The following PAK6 variants were observed in gnomAD, a reference collection of about 807,000 sequenced individuals.
PAK6 encodes the protein serine/threonine-protein kinase PAK 6.
In PAK6, 33 loss-of-function variants were observed where a neutral mutation model predicts 60.8. The ratio of observed to expected loss-of-function variants is 0.54; its 90% CI spans 0.41 to 0.73. The LOEUF is 0.73. PAK6 is among the 30% of genes least tolerant of loss of function. PAK6 has a pLI of 0.00. For missense variants in PAK6, 845 were observed against 904.1 expected, an observed-to-expected ratio of 0.93 and a Z score of 0.84; for synonymous variants, 404 against 378.5, an observed-to-expected ratio of 1.07 and a Z score of -0.78.
At chr15:40,255,568 C>G (rs2038811918) in intron 3 of PAK6, among the ~76,000 whole-genome samples, 1 of 152,190 alleles carries the variant, frequency 6.6e-6, no homozygotes, top group African/African-American at 2.4e-5. Flanking sequence ...CCGCAGGTGA[C>G]AGCTGAGCAG....
At chr15:40,244,225 G>A (rs1391192644) in intron 2 of PAK6, among the ~76,000 whole-genome samples, 1 of 151,360 alleles carries the variant, frequency 6.6e-6, no homozygotes, top group Admixed American at 6.6e-5. Context: ...CAGCTACCCG[G>A]GAGGCTGAGG....
At chr15:40,252,657 C>T (rs568969059) in intron 2 of PAK6, 4 of 1,321,494 alleles carry the variant, frequency 3.0e-6, no homozygotes, top group East Asian at 5.0e-5. Flanking sequence ...GCTCCCACGA[C>T]CTCTTCGAGC....
exon 11 of PAK6, chr15:40,276,047 C>T (rs761297472): frequency 1.9e-6 from 3 of 1,613,760 alleles, no homozygotes; most frequent in Admixed American, 3.3e-5. Context: ...ACCTGAGTGC[C>T]TGGTGCCCCT....
chr15:40,247,206 C>T (rs1293030206), intron 2 of PAK6: 3 of 152,290 alleles, frequency 2.0e-5, no homozygotes, highest in African/African-American at 4.8e-5. Context: ...ATGAAAGTTT[C>T]CCATTCAAGG....
chr15:40,249,906 G>A (rs1210707547), intron 2 of PAK6, among the ~76,000 whole-genome samples: 1 of 152,260 alleles, frequency 6.6e-6, no homozygotes, highest in Non-Finnish European at 1.5e-5. Context: ...GTCCCCCTGT[G>A]AAATGTCTGT....
chr15:40,252,885 G>A (rs1362540965), intron 2 of PAK6: 1 of 1,228,408 alleles, frequency 8.1e-7, no homozygotes, highest in South Asian at 1.4e-5. Context: ...CCGGCGCGGG[G>A]CATTCGCGTC....
chr15:40,273,257 G>T, intron 7 of PAK6, 89 bp from the exon 8 acceptor site: 2 of 1,478,630 alleles, frequency 1.4e-6, no homozygotes, highest in South Asian at 1.3e-5. Context: ...GTGGGGCCTA[G>T]CACCAGGGAC....
intron 4 of PAK6, 59 bp from the exon 5 acceptor site, chr15:40,265,783 C>T (rs1247624904): frequency 1.6e-5 from 23 of 1,463,694 alleles, no homozygotes; most frequent in Non-Finnish European, 2.1e-5. Context: ...GATCTCCCAG[C>T]CACCCCTCCC....
chr15:40,272,101 T>G, intron 5 of PAK6, 123 bp from the exon 6 acceptor site: 5 of 1,076,908 alleles, frequency 4.6e-6, no homozygotes, highest in Non-Finnish European at 6.8e-6. Context: ...CTCCCTAGTT[T>G]GATCTGATAC....
chr15:40,250,067 A>G (rs1220944422), intron 2 of PAK6, among the ~76,000 whole-genome samples: 2 of 152,256 alleles, frequency 1.3e-5, no homozygotes, highest in Non-Finnish European at 2.9e-5. Context: ...ACCTGGGAAC[A>G]AGGCCAGAGG....
exon 10 of PAK6, chr15:40,274,207 T>C: frequency 6.2e-7 from 1 of 1,613,868 alleles, no homozygotes; most frequent in Non-Finnish European, 8.5e-7. Flanking sequence ...CGTACTTCAG[T>C]GACTCCCCAG....
At chr15:40,257,196 C>G (rs2038860216) in intron 3 of PAK6, 1 of 152,458 alleles carries the variant, frequency 6.6e-6, no homozygotes, top group Non-Finnish European at 1.5e-5. Flanking sequence ...GCGGCCTCCT[C>G]TCTTCCCAGT....
At chr15:40,269,220 T>C (rs1376059519) in intron 5 of PAK6, among the ~76,000 whole-genome samples, 2 of 152,212 alleles carry the variant, frequency 1.3e-5, no homozygotes, top group Non-Finnish European at 2.9e-5. Flanking sequence ...GGTTTCACCA[T>C]GTTGCCCAGG....
chr15:40,239,930 CAGG>C (rs896070374), intron 1 of PAK6, 128 bp downstream of exon 1: 4 of 152,758 alleles, frequency 2.6e-5, no homozygotes, highest in African/African-American at 7.2e-5. Context: ...GGGGGCTTGA[CAGG>C]AGTTTATCCT....
chr15:40,266,964 C>A, intron 5 of PAK6: 1 of 156,026 alleles, frequency 6.4e-6, no homozygotes, highest in Non-Finnish European at 1.4e-5. Flanking sequence ...ACCTCTTTTC[C>A]CATTTGGCAG....
At chr15:40,259,766 AAC>A (rs1241022424) in intron 3 of PAK6, 1 of 144,786 alleles carries the variant, frequency 6.9e-6, no homozygotes, top group Non-Finnish European at 1.5e-5. Context: ...CAGCCTGGGC[AAC>A]AGAGTGAAAC....
intron 2 of PAK6, among the ~76,000 whole-genome samples, chr15:40,241,637 G>GA (rs2038345046): frequency 6.6e-6 from 1 of 152,206 alleles, no homozygotes; most frequent in Non-Finnish European, 1.5e-5. Flanking sequence ...AGCTGATTTG[G>GA]ATGGAAGCTC....
At chr15:40,267,637 G>C (rs923283247) in intron 5 of PAK6, among the ~76,000 whole-genome samples, 1 of 152,098 alleles carries the variant, frequency 6.6e-6, no homozygotes, top group Non-Finnish European at 1.5e-5. Flanking sequence ...CCAGCCTGGG[G>C]GACAGACAGA....
chr15:40,274,954 C>G lies in PAK6; in HGVS notation c.1878+678C>G, dbSNP rs112514395. Among the ~76,000 whole-genome samples, 603 of 152,304 alleles carry G rather than the reference C, an allele frequency of 4.0e-3. 4 individuals carry two copies. The highest frequency in any genetic ancestry group is 0.014 in the African/African-American group (576 of 41,570). On this transcript the variant is annotated intron_variant, in intron 10 of 10. Transcript: ENST00000560346. ...CCTCTCCTCTAAAATAGCAAAAAAA[C>G]AAGAGTTCTGTGGCCCCAACACAAA...
Sources: gnomAD v4.1 joint callset for allele counts (sites outside exome capture counted in the v4.1 genomes callset) on GRCh38, gnomAD v4.1.1 for gene constraint, MANE v1.5 for transcripts, NCBI Gene and HGNC (gene_info 2026-07-23, HGNC 2026-07-21) for gene names.